Variants in ABCC9 observed in about 807,000 individuals in gnomAD.
ABCC9 encodes the protein ATP-binding cassette sub-family C member 9.
A neutral mutation model predicts 188.3 loss-of-function variants in ABCC9; 95 were observed. That is an observed-to-expected ratio of 0.50 (90% CI 0.43 to 0.60). ABCC9 has a LOEUF of 0.60. Ranked by LOEUF, ABCC9 falls within the 20% of genes least tolerant of loss-of-function variation. The pLI, the probability that ABCC9 is intolerant of heterozygous loss-of-function variation, is 0.00. For synonymous variants in ABCC9, 659 were observed against 652.7 expected (o/e 1.01, Z -0.15); for missense variants, 1,102 against 1,876.3 (o/e 0.59, Z 7.62).
chr12:21,878,688 T>G (rs536651067), intron 16 of ABCC9, among the ~76,000 whole-genome samples: 24 of 152,166 alleles, frequency 1.6e-4, no homozygotes, highest in Non-Finnish European at 3.4e-4. Context: ...CATAGCTTTA[T>G]GAGTGTGACA....
At chr12:21,915,514 A>ATATTTTTTTTTT in intron 7 of ABCC9, among the ~76,000 whole-genome samples, 154 bp downstream of exon 7, 36 of 3,518 alleles carry the variant, frequency 0.01, 7 homozygotes, top group African/African-American at 0.024. Context: ...ATATATATAT[A>ATATTTTTTTTTT]TTTTTTTTTT....
Position 21,807,196 on chromosome 12 carries a change from T to A in ABCC9, c.4449+150A>T, listed in dbSNP as rs1941916742. ...GCCCTATTTATTGTAATTCTCAATG[T>A]GCTATCATCAGTTCATCCAGTAGAT... On this transcript the variant is annotated intron_variant, in intron 38 of 39. Transcript: ENST00000261200. The A allele has an allele frequency of 3.0e-6, 3 of 985,808 alleles. No individual in the cohort carries two copies. The African/African-American group carries it at 4.8e-5, about 16-fold the overall frequency. The allele number at this position is 985,808 out of a possible 1,614,324, so 61.1% of individuals were successfully genotyped here.
intron 12 of ABCC9, among the ~76,000 whole-genome samples, chr12:21,902,473 C>A (rs1387859563): frequency 6.6e-6 from 1 of 152,130 alleles, no homozygotes; most frequent in Admixed American, 6.5e-5. Flanking sequence ...GAAATAGAGA[C>A]ACAAAAAACC....
At chr12:21,933,630 A>G in intron 4 of ABCC9, 152 bp downstream of exon 4, 1 of 801,354 alleles carries the variant, frequency 1.2e-6, no homozygotes, top group Non-Finnish European at 2.0e-6. Flanking sequence ...AAAAGTTCAA[A>G]AAGACATAAG....
chr12:21,926,162 A>T (rs1949037361), intron 4 of ABCC9, 99 bp from the exon 5 acceptor site: 3 of 1,501,742 alleles, frequency 2.0e-6, no homozygotes, highest in African/African-American at 1.4e-5. Flanking sequence ...TAGCAATAAG[A>T]TGTTTAAAAT....
At chr12:21,808,463 G>A (rs1190101213) in intron 37 of ABCC9, among the ~76,000 whole-genome samples, 1 of 152,152 alleles carries the variant, frequency 6.6e-6, no homozygotes, top group African/African-American at 2.4e-5. Flanking sequence ...CAGCTCTCAT[G>A]TTAATGAAGA....
At chr12:21,805,037 T>C in intron 39 of ABCC9, 2 of 1,311,620 alleles carry the variant, frequency 1.5e-6, no homozygotes, top group East Asian at 2.3e-5. Context: ...TGAGCTGATT[T>C]TGTAATAACA....
intron 6 of ABCC9, among the ~76,000 whole-genome samples, chr12:21,916,356 T>C (rs1948604040): frequency 6.6e-6 from 1 of 152,178 alleles, no homozygotes; most frequent in Non-Finnish European, 1.5e-5. Flanking sequence ...ACAGATCAAG[T>C]TCAAAGTTCT....
intron 25 of ABCC9, among the ~76,000 whole-genome samples, chr12:21,846,676 C>T (rs915146180): frequency 7.2e-5 from 11 of 152,126 alleles, no homozygotes; most frequent in African/African-American, 2.4e-4. Context: ...TAAATGACTA[C>T]GTCTCAGAGG....
chr12:21,845,349 C>G (rs548396430), intron 26 of ABCC9, among the ~76,000 whole-genome samples: 1 of 138,776 alleles, frequency 7.2e-6, no homozygotes, highest in East Asian at 1.9e-4. Context: ...TATGTATAAA[C>G]TCTCTTGAAT....
At chr12:21,843,424 AT>A (rs1664693049) in intron 28 of ABCC9, among the ~76,000 whole-genome samples, 1 of 152,170 alleles carries the variant, frequency 6.6e-6, no homozygotes, top group East Asian at 1.9e-4. Flanking sequence ...TATTTAAAAA[AT>A]ATCTAATAGG....
intron 30 of ABCC9, among the ~76,000 whole-genome samples, chr12:21,832,648 A>G (rs1943840114): frequency 6.6e-6 from 1 of 152,210 alleles, no homozygotes; most frequent in Admixed American, 6.5e-5. Flanking sequence ...ACGTGGTGAA[A>G]AGGGAACACA....
chr12:21,816,066 T>G (rs1245646328), intron 33 of ABCC9, among the ~76,000 whole-genome samples, 173 bp from the exon 34 acceptor site: 11 of 114,420 alleles, frequency 9.6e-5, no homozygotes, highest in South Asian at 6.0e-4. Context: ...TTTTTTTTTT[T>G]TTTTTTTTTT....
intron 16 of ABCC9, among the ~76,000 whole-genome samples, chr12:21,879,102 A>G (rs1946507874): frequency 1.3e-5 from 2 of 152,228 alleles, no homozygotes; most frequent in Non-Finnish European, 2.9e-5. Flanking sequence ...GACACATTCT[A>G]CAAGATACAA....
chr12:21,916,087 A>G (rs1469098638), intron 6 of ABCC9, among the ~76,000 whole-genome samples, 177 bp from the exon 7 acceptor site: 1 of 152,092 alleles, frequency 6.6e-6, no homozygotes, highest in Non-Finnish European at 1.5e-5. Flanking sequence ...TTGTGACTAG[A>G]TGAACTAGTT....
At chr12:21,865,759 C>T (rs188383909) in intron 18 of ABCC9, among the ~76,000 whole-genome samples, 14 of 152,134 alleles carry the variant, frequency 9.2e-5, no homozygotes, top group Admixed American at 3.9e-4. Flanking sequence ...GGTTAAATTC[C>T]GACTCTATTT....
At chr12:21,910,427 A>C in intron 9 of ABCC9, 115 bp from the exon 10 acceptor site, 2 of 1,035,282 alleles carry the variant, frequency 1.9e-6, no homozygotes, top group East Asian at 5.2e-5. Context: ...AAAGAAAAGA[A>C]AAATTCTATA....
chr12:21,882,565 C>G (rs1368946474), intron 16 of ABCC9, among the ~76,000 whole-genome samples: 1 of 152,126 alleles, frequency 6.6e-6, no homozygotes, highest in Non-Finnish European at 1.5e-5. Context: ...TTGAAATGTG[C>G]TGCTGGAGCA....
chr12:21,931,928 C>G (rs1949305367), intron 4 of ABCC9, among the ~76,000 whole-genome samples: 1 of 152,064 alleles, frequency 6.6e-6, no homozygotes. Context: ...CTGCGAAAAG[C>G]CCTCATAAAA....
Sources: gnomAD v4.1 joint callset for allele counts (sites outside exome capture counted in the v4.1 genomes callset) on GRCh38, gnomAD v4.1.1 for gene constraint, MANE v1.5 for transcripts, NCBI Gene and HGNC (gene_info 2026-07-23, HGNC 2026-07-21) for gene names.